The following ZMYM1 variants were observed in gnomAD, a reference collection of about 807,000 sequenced individuals.
The protein encoded by ZMYM1 is zinc finger MYM-type containing 1, also known as zinc finger MYM-type protein 1.
ZMYM1 carries 39 observed loss-of-function variants against 60.0 expected under a neutral mutation model. The observed-to-expected ratio is 0.65, with a 90% confidence interval of 0.50 to 0.85. ZMYM1 has a LOEUF of 0.85. Ranked by LOEUF, ZMYM1 falls within the 40% of genes least tolerant of loss-of-function variation. The pLI, the probability that ZMYM1 is intolerant of heterozygous loss-of-function variation, is 0.00. For missense variants in ZMYM1, 1,171 were observed against 1,309.5 expected (o/e 0.89, Z 1.63); for synonymous variants, 413 against 454.0 (o/e 0.91, Z 1.15).
At chr1:35,076,816 C>G (rs1290222294), upstream of ZMYM1, among the ~76,000 whole-genome samples, 1 of 151,534 alleles carries the variant, frequency 6.6e-6, no homozygotes, top group Non-Finnish European at 1.5e-5. Flanking sequence ...CCGGTAGTCC[C>G]AGCTACTTGA....
chr1:35,068,682 C>T (rs948850991), intron 1 of ZMYM1, among the ~76,000 whole-genome samples: 4 of 150,062 alleles, frequency 2.7e-5, no homozygotes, highest in Non-Finnish European at 4.4e-5. Flanking sequence ...CTACACCTCT[C>T]ATCTCACACA....
In ZMYM1 at chr1:35,111,832, C is replaced by T. The variant is rs1644097271; in HGVS notation, c.1022C>T (p.Thr341Met). The T allele has an allele frequency of 6.2e-7, 1 of 1,608,266 alleles. No individual in the cohort carries two copies. The highest frequency in any genetic ancestry group is 1.1e-5 in the South Asian group (1 of 90,282). ...STELLSPKKD[T>M]TPVISNIVSL... ...GAGCTTCTTTCTCCAAAGAAAGATA[C>T]GACTCCAGTTATAAGCAATATAGTG... The change falls in exon 8 of 10, where the codon ACG becomes ATG. Residue 341 changes from threonine to methionine, a missense_variant. By Grantham distance (81) the Thr-to-Met change is moderately conservative. Transcript: ENST00000359858.
At chr1:35,060,140 GTTGTTATTATTA>G (rs903499596) in intron 1 of ZMYM1, among the ~76,000 whole-genome samples, 3 of 138,514 alleles carry the variant, frequency 2.2e-5, no homozygotes, top group African/African-American at 8.7e-5. Context: ...AATACTATTT[GTTGTTATTATTA>G]TTATTATTAT....
chr1:35,085,352 A>G (rs1642602064), intron 1 of ZMYM1, among the ~76,000 whole-genome samples: 1 of 152,098 alleles, frequency 6.6e-6, no homozygotes, highest in Admixed American at 6.6e-5. Context: ...CGGCCCCCAT[A>G]TTATTTTTAC....
chr1:35,083,403 C>T (rs180809664), intron 1 of ZMYM1, among the ~76,000 whole-genome samples: 1 of 152,040 alleles, frequency 6.6e-6, no homozygotes, highest in Non-Finnish European at 1.5e-5. Context: ...CCTCTGTCCT[C>T]TACCTCCCGA....
chr1:35,097,163 T>C (rs1287245864), intron 3 of ZMYM1, among the ~76,000 whole-genome samples, 154 bp from the exon 4 acceptor site: 2 of 152,062 alleles, frequency 1.3e-5, no homozygotes, highest in Non-Finnish European at 2.9e-5. Flanking sequence ...AAGGCTGCAG[T>C]GAGCCATGAT....
intron 1 of ZMYM1, among the ~76,000 whole-genome samples, chr1:35,088,936 C>T (rs138212176): frequency 0.016 from 2,404 of 151,440 alleles, 74 homozygotes; most frequent in African/African-American, 0.054. Flanking sequence ...CTCAGCCTTC[C>T]GAGTAGCTGG....
At chr1:35,104,793 CTTCTA>C in intron 6 of ZMYM1, 24 bp downstream of exon 6, 1 of 1,568,592 alleles carries the variant, frequency 6.4e-7, no homozygotes, top group Non-Finnish European at 8.7e-7. Context: ...CCTATTGTTT[CTTCTA>C]TTAACTGGCC....
At position 35,113,475 on chromosome 1, in the gene ZMYM1, G is replaced by T. The variant is rs1222773624; in HGVS notation, c.1645G>T (p.Gly549Ter). 6.2e-7 allele frequency: 1 copy of T among 1,612,140 alleles called. No individual in the cohort carries two copies. Among genetic ancestry groups the T allele is most frequent in the Non-Finnish European group, 8.5e-7 (1 of 1,179,552 alleles). The change falls in exon 10 of 10, where the codon GGA becomes TGA. Residue 549 changes from glycine (G) to a stop codon, truncating the protein, a stop_gained. Coordinates refer to ENST00000359858, the MANE Select transcript of ZMYM1 (RefSeq NM_024772.5). LOFTEE classifies it high-confidence loss of function. ...DLSIHSKQIE[G>*]NKKYLKLIIE... is the part of the protein sequence containing the mutation. ...ATCTATTCATTCGAAACAGATTGAG[G>T]GAAATAAAAAGTACCTAAAGCTTAT...
At chr1:35,112,577 T>A (rs1173714153) in intron 9 of ZMYM1, among the ~76,000 whole-genome samples, 24 of 26,808 alleles carry the variant, frequency 9.0e-4, no homozygotes, top group Middle Eastern at 0.019. Flanking sequence ...TATAAATATA[T>A]TATAATGTAT....
At position 35,094,039 on chromosome 1, in the gene ZMYM1, C is replaced by T. The variant is rs758253262; in HGVS notation, c.52C>T (p.Leu18=). 6.2e-7 allele frequency: 1 copy of T among 1,611,204 alleles called. No homozygotes were observed. Among genetic ancestry groups the T allele is most frequent in the Non-Finnish European group, 8.5e-7 (1 of 1,178,428 alleles). ...GTGTGACAAGGCAGTGGCATCACAG[C>T]TGGGGCTGCTAGATGAAATTAAGAC... ...GECDKAVASQ[L]GLLDEIKTEP... Residue 18 remains leucine (L), a synonymous_variant, in exon 2 of 10, where the codon CTG becomes TTG. Transcript: ENST00000359858.
chr1:35,104,812 G>A (rs1196665587), intron 6 of ZMYM1, 43 bp downstream of exon 6: 1 of 1,540,046 alleles, frequency 6.5e-7, no homozygotes, highest in Non-Finnish European at 8.9e-7. Flanking sequence ...ACTGGCCTAT[G>A]AATGGTTTCA....
intron 4 of ZMYM1, among the ~76,000 whole-genome samples, chr1:35,099,390 A>C (rs924584169): frequency 1.3e-5 from 2 of 152,174 alleles, no homozygotes; most frequent in Non-Finnish European, 2.9e-5. Context: ...CTCACTACAC[A>C]TCTTCAGCAG....
At chr1:35,088,225 C>T (rs1642763317) in intron 1 of ZMYM1, among the ~76,000 whole-genome samples, 1 of 151,772 alleles carries the variant, frequency 6.6e-6, no homozygotes, top group South Asian at 2.1e-4. Flanking sequence ...CGAGACCATC[C>T]TGGCCAACAT....
At chr1:35,116,602 C>T (rs866655245), downstream of ZMYM1, among the ~76,000 whole-genome samples, 8 of 152,092 alleles carry the variant, frequency 5.3e-5, no homozygotes, top group Middle Eastern at 0.01. Context: ...GGATGACAGG[C>T]GCACGCCACC....
At chr1:35,080,129 C>T (rs1447037126) in intron 1 of ZMYM1, among the ~76,000 whole-genome samples, 1 of 152,238 alleles carries the variant, frequency 6.6e-6, no homozygotes, top group East Asian at 1.9e-4. Flanking sequence ...TGCTGAACCC[C>T]AAAAGCACAG....
intron 4 of ZMYM1, among the ~76,000 whole-genome samples, chr1:35,103,076 T>C (rs1643740635): frequency 6.6e-6 from 1 of 152,230 alleles, no homozygotes; most frequent in Non-Finnish European, 1.5e-5. Flanking sequence ...CTGACGGTTT[T>C]ACCCACCATT....
intron 6 of ZMYM1, among the ~76,000 whole-genome samples, chr1:35,108,558 G>A (rs555287859): frequency 1.2e-4 from 19 of 152,048 alleles, no homozygotes; most frequent in Middle Eastern, 6.8e-3. Flanking sequence ...CCACCATGTT[G>A]GCCAGGCTGG....
At chr1:35,088,454 A>ATATGTGTGTGTG (rs1464546786) in intron 1 of ZMYM1, among the ~76,000 whole-genome samples, 32 of 107,248 alleles carry the variant, frequency 3.0e-4, no homozygotes, top group African/African-American at 1.2e-3. Flanking sequence ...ATATATATAT[A>ATATGTGTGTGTG]TGTGTGTGTG....
Sources: allele counts gnomAD v4.1 joint callset (sites outside exome capture counted in the v4.1 genomes callset), GRCh38; gene constraint gnomAD v4.1.1; transcripts MANE v1.5; gene names NCBI Gene and HGNC (gene_info 2026-07-23, HGNC 2026-07-21).